Variants in DPYD observed in about 807,000 individuals in gnomAD.
The protein encoded by DPYD is dihydropyrimidine dehydrogenase [NADP(+)].
In DPYD, 109 loss-of-function variants were observed where a neutral mutation model predicts 116.2. The ratio of observed to expected loss-of-function variants is 0.94; its 90% CI spans 0.80 to 1.10. The LOEUF (loss-of-function observed/expected upper bound fraction) is 1.10. Ranked by LOEUF, DPYD falls within the 50% of genes least tolerant of loss-of-function variation. The pLI is 0.00. For synonymous variants in DPYD, 440 were observed against 432.0 expected (o/e 1.02, Z -0.23); for missense variants, 1,302 against 1,254.5 (o/e 1.04, Z -0.57).
At chr1:97,915,425 T>C (rs2101716142) in intron 1 of DPYD, among the ~76,000 whole-genome samples, 1 of 152,256 alleles carries the variant, frequency 6.6e-6, no homozygotes, top group East Asian at 1.9e-4. Context: ...TATGTACTAG[T>C]GTAACATTTT....
intron 8 of DPYD, among the ~76,000 whole-genome samples, chr1:97,609,149 C>T (rs1178968434): frequency 2.0e-5 from 3 of 151,864 alleles, no homozygotes; most frequent in Non-Finnish European, 2.9e-5. Flanking sequence ...TCTATGATGA[C>T]ATATGGTTTT....
At chr1:97,612,695 T>C (rs937297557) in intron 8 of DPYD, among the ~76,000 whole-genome samples, 36 of 152,052 alleles carry the variant, frequency 2.4e-4, no homozygotes, top group African/African-American at 8.2e-4. Context: ...CTTTAATATA[T>C]CTTTAATTTT....
At chr1:97,089,556 C>A (rs1473194239) in intron 21 of DPYD, among the ~76,000 whole-genome samples, 2 of 152,102 alleles carry the variant, frequency 1.3e-5, no homozygotes, top group Non-Finnish European at 2.9e-5. Flanking sequence ...GGCCAGGTTT[C>A]TTTTTCTTCT....
intron 14 of DPYD, among the ~76,000 whole-genome samples, chr1:97,445,578 C>T (rs1169699194): frequency 6.6e-6 from 1 of 152,142 alleles, no homozygotes; most frequent in Non-Finnish European, 1.5e-5. Context: ...AGTATGTATA[C>T]TTAGCCAACC....
chr1:97,207,978 A>G (rs530623730), intron 19 of DPYD, among the ~76,000 whole-genome samples: 1 of 152,322 alleles, frequency 6.6e-6, no homozygotes, highest in Middle Eastern at 3.4e-3. Flanking sequence ...GCAAATTTGT[A>G]CAAATATTAT....
At chr1:97,112,171 G>A (rs1203715764) in intron 20 of DPYD, among the ~76,000 whole-genome samples, 1 of 151,988 alleles carries the variant, frequency 6.6e-6, no homozygotes, top group Admixed American at 6.6e-5. Context: ...TTTTAAAAAT[G>A]TGCTTTTAAA....
Position 97,079,156 on chromosome 1 carries a change from G to A in DPYD, c.2908-10C>T. ...GATCAAACTGTATAGCCTGCAAACA[G>A]AAATAGAGGGTATTGATGTCACTGA... On this transcript the variant is annotated splice_polypyrimidine_tract_variant and intron_variant, in intron 22 of 22. Coordinates refer to ENST00000370192, the MANE Select transcript of DPYD (RefSeq NM_000110.4). The A allele has an allele frequency of 6.2e-7, 1 of 1,613,020 alleles. No homozygotes were observed. The highest frequency in any genetic ancestry group is 8.5e-7 in the Non-Finnish European group (1 of 1,179,432).
intron 3 of DPYD, among the ~76,000 whole-genome samples, chr1:97,769,913 G>T (rs1414698784): frequency 6.6e-6 from 1 of 152,176 alleles, no homozygotes; most frequent in Non-Finnish European, 1.5e-5. Context: ...ACCTGTGATT[G>T]TGCTGTGAAA....
chr1:97,185,748 T>C (rs1052465730), intron 20 of DPYD, among the ~76,000 whole-genome samples: 9 of 152,160 alleles, frequency 5.9e-5, no homozygotes, highest in African/African-American at 2.2e-4. Flanking sequence ...TTTATGTGAA[T>C]GCTAAAAAAC....
At chr1:97,327,119 T>C (rs1291751753) in intron 16 of DPYD, among the ~76,000 whole-genome samples, 1 of 152,048 alleles carries the variant, frequency 6.6e-6, no homozygotes, top group Non-Finnish European at 1.5e-5. Flanking sequence ...AAATAGGACC[T>C]GAAGAAGTTC....
intron 12 of DPYD, among the ~76,000 whole-genome samples, chr1:97,520,579 A>G (rs1648572734): frequency 6.6e-6 from 1 of 152,052 alleles, no homozygotes; most frequent in Non-Finnish European, 1.5e-5. Context: ...ACACCTATCA[A>G]CCAGTCATCT....
At chr1:97,517,767 T>C (rs1648336119) in intron 12 of DPYD, among the ~76,000 whole-genome samples, 1 of 152,182 alleles carries the variant, frequency 6.6e-6, no homozygotes, top group South Asian at 2.1e-4. Context: ...AAGCAACTTC[T>C]CTGTCTTAGA....
At chr1:97,117,692 T>C (rs1652087887) in intron 20 of DPYD, among the ~76,000 whole-genome samples, 1 of 152,216 alleles carries the variant, frequency 6.6e-6, no homozygotes, top group African/African-American at 2.4e-5. Flanking sequence ...TTCTGGGTTG[T>C]ACTATTGTCA....
At chr1:97,898,705 A>G (rs540271941) in intron 1 of DPYD, among the ~76,000 whole-genome samples, 10 of 152,006 alleles carry the variant, frequency 6.6e-5, no homozygotes, top group Admixed American at 1.3e-4. Flanking sequence ...TCCCCATGTC[A>G]CACGGGTGGG....
intron 3 of DPYD, among the ~76,000 whole-genome samples, chr1:97,764,797 C>T (rs1436109712): frequency 6.6e-6 from 1 of 152,050 alleles, no homozygotes; most frequent in Non-Finnish European, 1.5e-5. Context: ...TCCCTGTAGA[C>T]TGAAAATTAT....
chr1:97,487,003 G>A (rs1047522549), intron 13 of DPYD, among the ~76,000 whole-genome samples: 1 of 151,902 alleles, frequency 6.6e-6, no homozygotes, highest in Admixed American at 6.6e-5. Context: ...ATGTTTTGGA[G>A]ATTAGTCATC....
At chr1:97,840,193 G>A (rs935314569) in intron 2 of DPYD, among the ~76,000 whole-genome samples, 3 of 151,886 alleles carry the variant, frequency 2.0e-5, no homozygotes, top group African/African-American at 7.3e-5. Flanking sequence ...ATATAAATCA[G>A]GAGACAACAA....
intron 12 of DPYD, among the ~76,000 whole-genome samples, chr1:97,533,636 AT>A (rs1401678538): frequency 6.6e-6 from 1 of 152,200 alleles, no homozygotes; most frequent in Non-Finnish European, 1.5e-5. Flanking sequence ...ATAAGCTGAC[AT>A]TTAAGACAGG....
chr1:97,287,733 C>T (rs1376839571), intron 18 of DPYD, among the ~76,000 whole-genome samples: 1 of 152,108 alleles, frequency 6.6e-6, no homozygotes, highest in Non-Finnish European at 1.5e-5. Flanking sequence ...CCCTCCGAGC[C>T]AGGTGCAGGA....
Sources: allele counts gnomAD v4.1 joint callset (sites outside exome capture counted in the v4.1 genomes callset), GRCh38; gene constraint gnomAD v4.1.1; transcripts MANE v1.5; gene names NCBI Gene and HGNC (gene_info 2026-07-23, HGNC 2026-07-21).